The following MARCHF1 variants were observed in gnomAD, a reference collection of about 807,000 sequenced individuals.
MARCHF1 encodes the protein E3 ubiquitin-protein ligase MARCHF1.
In MARCHF1, 40 loss-of-function variants were observed where a neutral mutation model predicts 54.2. The ratio of observed to expected loss-of-function variants is 0.74; its 90% CI spans 0.57 to 0.96. MARCHF1 has a LOEUF of 0.96. Ranked by LOEUF, MARCHF1 falls within the 40% of genes least tolerant of loss-of-function variation. The probability of loss-of-function intolerance (pLI) is 0.00; values close to 1 mark genes in which losing one functional copy is unlikely to be tolerated. For synonymous variants in MARCHF1, 236 were observed against 236.3 expected, an observed-to-expected ratio of 1.00 and a Z score of 0.01; for missense variants, 586 against 656.5, an observed-to-expected ratio of 0.89 and a Z score of 1.17.
At chr4:164,317,918 GTTTA>G (rs1480533624) in intron 1 of MARCHF1, among the ~76,000 whole-genome samples, 1 of 152,068 alleles carries the variant, frequency 6.6e-6, no homozygotes, top group Non-Finnish European at 1.5e-5. Flanking sequence ...TCATTCCTCT[GTTTA>G]TTTGTTCCTT....
intron 1 of MARCHF1, among the ~76,000 whole-genome samples, chr4:164,277,538 TG>T (rs1188028745): frequency 6.6e-6 from 1 of 152,234 alleles, no homozygotes; most frequent in Non-Finnish European, 1.5e-5. Context: ...TCAGAGATTC[TG>T]TACATGTTCT....
At chr4:163,638,123 G>A (rs1457443303) in intron 5 of MARCHF1, among the ~76,000 whole-genome samples, 1 of 148,758 alleles carries the variant, frequency 6.7e-6, no homozygotes, top group Non-Finnish European at 1.5e-5. Context: ...GGATAGCACT[G>A]GGAGATATAC....
At position 163,727,310 on chromosome 4, in the gene MARCHF1, T is replaced by A. The variant is rs1211940093; in HGVS notation, c.112-26447A>T. Reference sequence around the variant, plus strand: ...GTTTCTGTTTAAATTCATTTCTTTTTTTTCTTTTTTTTTTTTTGACGGAGT... The same window carrying A: ...GTTTCTGTTTAAATTCATTTCTTTTATTTCTTTTTTTTTTTTTGACGGAGT... On this transcript the variant is annotated intron_variant, in intron 4 of 9. Transcript: ENST00000514618. 3.7e-5 allele frequency among the ~76,000 whole-genome samples: 5 copies of A among 133,914 alleles called. No homozygotes were observed. The East Asian group carries it at 1.0e-3, about 28-fold the overall frequency. 87.9% of individuals were successfully genotyped at this position (133,914 alleles called of 152,430 possible).
At chr4:163,737,153 C>CTTTTTTTTTTTTT (rs1252109628) in intron 4 of MARCHF1, among the ~76,000 whole-genome samples, 1 of 79,238 alleles carries the variant, frequency 1.3e-5, no homozygotes, top group African/African-American at 4.8e-5. Context: ...GCGCTCGCAG[C>CTTTTTTTTTTTTT]TTTTTTCTTT....
chr4:163,920,449 A>G lies in MARCHF1; in HGVS notation c.-38-66280T>C, dbSNP rs568428447. 5.9e-5 allele frequency among the ~76,000 whole-genome samples: 9 copies of G among 152,238 alleles called. 1 individual carries two copies. The South Asian group carries it at 1.9e-3, about 32-fold the overall frequency. On this transcript the variant is annotated intron_variant, in intron 3 of 9. Coordinates refer to ENST00000514618, the MANE Select transcript of MARCHF1 (RefSeq NM_001394959.1). The stretch of plus-strand genomic sequence containing the variant: ...GTATTATGCTTTGTTTTCACCTTCA[A>G]CGACATGTTAGCCTTCTAAAGCCTG...
At position 163,685,217 on chromosome 4, in the gene MARCHF1, T is replaced by C. The variant is rs138459541; in HGVS notation, c.162+15596A>G. On this transcript the variant is annotated intron_variant, in intron 5 of 9. Coordinates refer to ENST00000514618, the MANE Select transcript of MARCHF1 (RefSeq NM_001394959.1). The stretch of plus-strand genomic sequence containing the variant: ...TCTGGTTTTATTACACTTTTTTTTT[T>C]GCATAAAGGTGCAGTTTCTCAGAAC... Among the ~76,000 whole-genome samples, 575 of 152,258 alleles carry C rather than the reference T, an allele frequency of 3.8e-3. 1 individual carries two copies. The highest frequency in any genetic ancestry group is 0.013 in the African/African-American group (547 of 41,550).
intron 1 of MARCHF1, among the ~76,000 whole-genome samples, chr4:164,170,404 T>G (rs1730490231): frequency 6.6e-6 from 1 of 152,074 alleles, no homozygotes; most frequent in Admixed American, 6.6e-5. Flanking sequence ...CTCAGACTTA[T>G]AAGGGACATT....
chr4:163,652,031 A>G (rs1742986116), intron 5 of MARCHF1, among the ~76,000 whole-genome samples: 1 of 151,628 alleles, frequency 6.6e-6, no homozygotes, highest in Admixed American at 6.6e-5. Context: ...CTGATTTCTT[A>G]CTATGGGGCT....
intron 3 of MARCHF1, among the ~76,000 whole-genome samples, chr4:163,938,835 T>C (rs1327721873): frequency 6.6e-6 from 1 of 152,040 alleles, no homozygotes; most frequent in South Asian, 2.1e-4. Flanking sequence ...GAACTCCTTA[T>C]AAATAAAACC....
intron 2 of MARCHF1, among the ~76,000 whole-genome samples, chr4:163,990,664 C>T (rs570267664): frequency 1.6e-3 from 238 of 152,222 alleles, no homozygotes; most frequent in African/African-American, 5.3e-3. Flanking sequence ...TTAATGTTCA[C>T]ATCTGTGGCC....
intron 2 of MARCHF1, among the ~76,000 whole-genome samples, chr4:163,990,915 A>G (rs1392180588): frequency 6.6e-6 from 1 of 152,192 alleles, no homozygotes; most frequent in Non-Finnish European, 1.5e-5. Flanking sequence ...TGCTTAAAAT[A>G]TTCATTAAAG....
At chr4:163,746,692 G>A (rs891089406) in intron 4 of MARCHF1, among the ~76,000 whole-genome samples, 2 of 151,928 alleles carry the variant, frequency 1.3e-5, no homozygotes, top group Non-Finnish European at 2.9e-5. Flanking sequence ...TCTTTTTCAT[G>A]ATTTTTTTGG....
At chr4:163,783,596 T>C (rs1747531636) in intron 4 of MARCHF1, among the ~76,000 whole-genome samples, 1 of 152,220 alleles carries the variant, frequency 6.6e-6, no homozygotes, top group South Asian at 2.1e-4. Context: ...TTTTTCCTTT[T>C]GTTTTCTTTG....
chr4:163,741,727 C>G (rs1485114215), intron 4 of MARCHF1, among the ~76,000 whole-genome samples: 1 of 152,158 alleles, frequency 6.6e-6, no homozygotes, highest in East Asian at 1.9e-4. Context: ...CACAGGATAT[C>G]TGGCTTGAAA....
intron 5 of MARCHF1, among the ~76,000 whole-genome samples, chr4:163,649,068 T>C (rs1240366499): frequency 2.6e-5 from 4 of 152,096 alleles, no homozygotes; most frequent in African/African-American, 4.8e-5. Flanking sequence ...CCAAGGCTTA[T>C]GTGATTTATT....
chr4:163,578,337 A>G (rs13150896), intron 8 of MARCHF1, among the ~76,000 whole-genome samples: 97,443 of 152,002 alleles, frequency 0.64, 32,443 homozygotes, highest in African/African-American at 0.82. Context: ...CCCAGCAATC[A>G]TTTTCAAAGA....
chr4:163,717,210 T>C (rs1297400681), intron 4 of MARCHF1, among the ~76,000 whole-genome samples: 3 of 142,956 alleles, frequency 2.1e-5, no homozygotes, highest in Non-Finnish European at 4.5e-5. Context: ...TGTGTTCTCA[T>C]TGTTCAATTC....
chr4:164,218,706 G>A (rs368137990), intron 1 of MARCHF1, among the ~76,000 whole-genome samples: 3 of 127,328 alleles, frequency 2.4e-5, no homozygotes, highest in Non-Finnish European at 4.9e-5. Flanking sequence ...GTTGTGGGGT[G>A]GGGGGAGGGG....
chr4:163,622,963 G>T lies in MARCHF1; in HGVS notation c.163-9570C>A, dbSNP rs140675628. Among the ~76,000 whole-genome samples the T allele has an allele frequency of 5.2e-3, 784 of 152,190 alleles. 4 individuals are homozygous for T. The highest frequency in any genetic ancestry group is 0.017 in the African/African-American group (708 of 41,532). ...GAAAGCCAGCAAGTGGCACTACACT[G>T]GTATGCAGAGGACAAGCTCAGCCAG... On this transcript the variant is annotated intron_variant, in intron 5 of 9. Coordinates refer to ENST00000514618, the MANE Select transcript of MARCHF1 (RefSeq NM_001394959.1).
Sources: gnomAD v4.1 joint callset for allele counts (sites outside exome capture counted in the v4.1 genomes callset) on GRCh38, gnomAD v4.1.1 for gene constraint, MANE v1.5 for transcripts, NCBI Gene and HGNC (gene_info 2026-07-23, HGNC 2026-07-21) for gene names.